The following CHL1 variants were observed in gnomAD, a reference collection of about 807,000 sequenced individuals.
CHL1 encodes the protein cell adhesion molecule L1 like, also known as neural cell adhesion molecule L1-like protein.
In CHL1, 96 loss-of-function variants were observed where a neutral mutation model predicts 141.9. The ratio of observed to expected loss-of-function variants is 0.68; its 90% CI spans 0.57 to 0.80. The LOEUF is 0.80. Ranked by LOEUF, CHL1 falls within the 30% of genes least tolerant of loss-of-function variation. The pLI, the probability that CHL1 is intolerant of heterozygous loss-of-function variation, is 0.00. For missense variants in CHL1, 1,820 were observed against 1,457.2 expected (o/e 1.25, Z -4.05); for synonymous variants, 613 against 502.2 (o/e 1.22, Z -2.95).
At chr3:357,084 A>G (rs530209342) in intron 11 of CHL1, among the ~76,000 whole-genome samples, 2 of 152,170 alleles carry the variant, frequency 1.3e-5, no homozygotes, top group African/African-American at 2.4e-5. Context: ...TTGTTAATGG[A>G]TGAGGAGGTC....
rs182589967 is a variant in CHL1 at position 337,467 on chromosome 3, T to C, written c.386-3327T>C. On this transcript the variant is annotated intron_variant, in intron 5 of 27. Coordinates refer to ENST00000256509, the MANE Select transcript of CHL1 (RefSeq NM_006614.4). The stretch of plus-strand genomic sequence containing the variant: ...GTGCCATGCTGGTGTGCTGCACCCA[T>C]TAACTCATCATTTACATTAGGTATG... Among the ~76,000 whole-genome samples, 1,265 of 152,052 alleles carry C rather than the reference T, an allele frequency of 8.3e-3. 11 individuals are homozygous for C. Among genetic ancestry groups the C allele is most frequent in the African/African-American group, 0.029 (1,202 of 41,432 alleles).
chr3:389,354 C>A lies in CHL1; in HGVS notation c.2350C>A (p.His784Asn). 1 of 1,614,170 alleles carries A rather than the reference C, an allele frequency of 6.2e-7. No homozygotes were observed. Among genetic ancestry groups the A allele is most frequent in the Non-Finnish European group, 8.5e-7 (1 of 1,180,030 alleles). Residue 784 changes from histidine to asparagine, a missense_variant, in exon 20 of 28, where the codon CAC becomes AAC. Transcript: ENST00000256509. ...GTGGGAAGAAGAAACAGTCACAAAC[C>A]ACACATTGCGGGTGATGACGCCTGC... ...VEWEEETVTN[H>N]TLRVMTPAVY...
chr3:393,323 T>A (rs953175140), intron 23 of CHL1, among the ~76,000 whole-genome samples: 2 of 151,946 alleles, frequency 1.3e-5, no homozygotes, highest in African/African-American at 4.8e-5. Flanking sequence ...GATGAACTGG[T>A]TTTCAAAAAA....
intron 2 of CHL1, among the ~76,000 whole-genome samples, chr3:306,315 A>C (rs536553023): frequency 6.6e-6 from 1 of 152,280 alleles, no homozygotes; most frequent in African/African-American, 2.4e-5. Context: ...GCTTGAATAG[A>C]ATACGTTTGC....
chr3:323,677 C>T (rs1391517467), intron 3 of CHL1, among the ~76,000 whole-genome samples: 1 of 152,078 alleles, frequency 6.6e-6, no homozygotes, highest in Non-Finnish European at 1.5e-5. Context: ...CCTATTTCAA[C>T]AGATGAAATG....
chr3:406,443 G>A lies in CHL1; in HGVS notation c.*732G>A, dbSNP rs1575320024. ...GGACTAAATTCAACTGCATGGAAGC[G>A]GTGGTCAGAAGGTTGTTTTATACGA... On this transcript the variant is annotated 3_prime_UTR_variant, in exon 28 of 28. Coordinates refer to ENST00000256509, the MANE Select transcript of CHL1 (RefSeq NM_006614.4). The A allele has an allele frequency of 2.6e-5, 4 of 151,392 alleles. No individual in the cohort carries two copies. Among genetic ancestry groups the A allele is most frequent in the Middle Eastern group, 3.4e-3 (1 of 292 alleles). The allele number at this position is 151,392 out of a possible 1,614,324, so 9.4% of individuals were successfully genotyped here.
At chr3:285,109 A>G (rs1448701710) in intron 2 of CHL1, among the ~76,000 whole-genome samples, 2 of 152,240 alleles carry the variant, frequency 1.3e-5, no homozygotes, top group Admixed American at 6.5e-5. Context: ...GCATGTTTTC[A>G]AGCATAATTG....
chr3:243,152 A>T (rs188408505), intron 1 of CHL1, among the ~76,000 whole-genome samples: 2 of 152,300 alleles, frequency 1.3e-5, no homozygotes, highest in East Asian at 3.9e-4. Flanking sequence ...CATTCACCTC[A>T]GCAAATGGAA....
chr3:395,571 G>T (rs544137486), intron 24 of CHL1, among the ~76,000 whole-genome samples: 44 of 152,348 alleles, frequency 2.9e-4, no homozygotes, highest in African/African-American at 9.9e-4. Context: ...TACACACGAA[G>T]TGAAACAGAG....
rs150096933 is a variant in CHL1 at position 219,115 on chromosome 3, C to G, written c.-175+22052C>G. ...AGTGAGCCGAGATCATGCCACTGCA[C>G]TCCAGCCTGGGCGACAGAGTGAGAC... is the stretch of plus-strand genomic sequence containing the variant. On this transcript the variant is annotated intron_variant, in intron 1 of 27. Coordinates refer to ENST00000256509, the MANE Select transcript of CHL1 (RefSeq NM_006614.4). Among the ~76,000 whole-genome samples, 953 of 151,276 alleles carry G rather than the reference C, an allele frequency of 6.3e-3. 12 individuals carry two copies. Among genetic ancestry groups the G allele is most frequent in the African/African-American group, 0.022 (910 of 41,234 alleles).
intron 15 of CHL1, among the ~76,000 whole-genome samples, chr3:373,207 C>T (rs573133823): frequency 1.7e-4 from 26 of 152,350 alleles, no homozygotes; most frequent in East Asian, 9.7e-4. Context: ...CAGGAGGAGA[C>T]GCTAAGTCTG....
chr3:299,313 G>C (rs1259444238), intron 2 of CHL1, among the ~76,000 whole-genome samples: 1 of 152,164 alleles, frequency 6.6e-6, no homozygotes, highest in Non-Finnish European at 1.5e-5. Context: ...CACTTACTGG[G>C]TAAATAACAA....
chr3:389,435 C>A lies in CHL1; in HGVS notation c.2431C>A (p.Pro811Thr). 1 of 1,614,164 alleles carries A rather than the reference C, an allele frequency of 6.2e-7. No individual in the cohort carries two copies. The highest frequency in any genetic ancestry group is 8.5e-7 in the Non-Finnish European group (1 of 1,180,036). ...GGCTATCAATCAACTAGGATCTGGG[C>A]CTGACCCTCAGTCAGTGACTCTCTA... The part of the protein sequence containing the change: ...VQAINQLGSG[P>T]DPQSVTLYSG... The change falls in exon 20 of 28, where the codon CCT (proline) becomes ACT (threonine). Residue 811 changes from proline to threonine, a missense_variant. Coordinates refer to ENST00000256509, the MANE Select transcript of CHL1 (RefSeq NM_006614.4).
chr3:352,856 G>A (rs925163740), intron 10 of CHL1, among the ~76,000 whole-genome samples: 2 of 152,182 alleles, frequency 1.3e-5, no homozygotes, highest in Non-Finnish European at 1.5e-5. Flanking sequence ...GGATTTGGAA[G>A]CATAAATTGG....
At chr3:354,603 G>A in intron 10 of CHL1, 37 bp from the exon 11 acceptor site, 1 of 1,574,800 alleles carries the variant, frequency 6.4e-7, no homozygotes, top group Non-Finnish European at 8.6e-7. Context: ...TTTTGACATA[G>A]ATAACATCTC....
rs974174236 is a variant in CHL1, at chr3:407,087, G to A, written c.*1376G>A. On this transcript the variant is annotated 3_prime_UTR_variant, in exon 28 of 28. Coordinates refer to ENST00000256509, the MANE Select transcript of CHL1 (RefSeq NM_006614.4). ...GTTGTGCTCCAGTCCTTTTAAAATT[G>A]TACATGAACATGTTTTAGAAACAAT... The A allele has an allele frequency of 6.6e-6, 1 of 152,036 alleles. No individual in the cohort carries two copies. The highest frequency in any genetic ancestry group is 6.6e-5 in the Admixed American group (1 of 15,236). The allele number at this position is 152,036 out of a possible 1,614,324, so 9.4% of individuals were successfully genotyped here. A position where few individuals can be genotyped will look rare whatever the true frequency, so the allele number is the denominator to read the frequency against.
intron 27 of CHL1, among the ~76,000 whole-genome samples, chr3:402,428 C>G (rs894816784): frequency 3.9e-5 from 6 of 152,182 alleles, no homozygotes; most frequent in African/African-American, 1.4e-4. Flanking sequence ...CTTCCCCTTT[C>G]TGCTACTCTC....
intron 1 of CHL1, among the ~76,000 whole-genome samples, chr3:218,461 GAGA>G (rs1313126751): frequency 6.6e-6 from 1 of 152,128 alleles, no homozygotes; most frequent in African/African-American, 2.4e-5. Flanking sequence ...CAAGTCAGTA[GAGA>G]AGATGTTACC....
At chr3:295,059 C>T (rs1488373171) in intron 2 of CHL1, among the ~76,000 whole-genome samples, 5 of 152,112 alleles carry the variant, frequency 3.3e-5, no homozygotes, top group African/African-American at 1.2e-4. Flanking sequence ...TTCCTTTCTT[C>T]CTTTGTTTCT....
Sources: gnomAD v4.1 joint callset for allele counts (sites outside exome capture counted in the v4.1 genomes callset) on GRCh38, gnomAD v4.1.1 for gene constraint, MANE v1.5 for transcripts, NCBI Gene and HGNC (gene_info 2026-07-23, HGNC 2026-07-21) for gene names.